Variants in RBSN observed in about 807,000 individuals in gnomAD.
RBSN encodes the protein rabenosyn, RAB effector, also known as rabenosyn-5.
A neutral mutation model predicts 60.5 loss-of-function variants in RBSN; 34 were observed. That is an observed-to-expected ratio of 0.56 (90% CI 0.43 to 0.75). The LOEUF is 0.75. RBSN is among the 30% of genes least tolerant of loss of function. The pLI, the probability that RBSN is intolerant of heterozygous loss-of-function variation, is 0.00. For synonymous variants in RBSN, 322 were observed against 366.9 expected, an observed-to-expected ratio of 0.88 and a Z score of 1.40; for missense variants, 845 against 986.8, an observed-to-expected ratio of 0.86 and a Z score of 1.92.
At chr3:15,095,508 G>A (rs2043632348) in intron 4 of RBSN, among the ~76,000 whole-genome samples, 1 of 152,132 alleles carries the variant, frequency 6.6e-6, no homozygotes, top group African/African-American at 2.4e-5. Context: ...CTTTTTCTGG[G>A]CTATAGAGGG....
At chr3:15,091,231 A>ATT in intron 4 of RBSN, 5 of 462,212 alleles carry the variant, frequency 1.1e-5, no homozygotes, top group African/African-American at 2.2e-5. Flanking sequence ...AAAAAAAAAA[A>ATT]AAAAAATTAA....
chr3:15,096,953 C>G (rs1173588523), intron 2 of RBSN, among the ~76,000 whole-genome samples: 4 of 152,138 alleles, frequency 2.6e-5, no homozygotes, highest in African/African-American at 9.7e-5. Flanking sequence ...TCGACCTTCT[C>G]GGTTCAAGTG....
In RBSN at chr3:15,082,474, CCTT is replaced by C; in HGVS notation, c.730_732del (p.Lys244del). The C allele has an allele frequency of 6.2e-7, 1 of 1,614,190 alleles. No homozygotes were observed. Among genetic ancestry groups the C allele is most frequent in the Non-Finnish European group, 8.5e-7 (1 of 1,180,030 alleles). ...GTACAGCAGCGGATCCGGTCATCGT[CCTT>C]CTCATCCAGGACCGAGCTGACACTG... On this transcript the variant is annotated inframe_deletion, in exon 9 of 14. Transcript: ENST00000253699. This position sits in a 1 kb window ranked among gnomAD's most constrained non-coding sequence, Gnocchi z 4.2.
At chr3:15,095,711 T>C in intron 4 of RBSN, 1 of 557,728 alleles carries the variant, frequency 1.8e-6, no homozygotes, top group Non-Finnish European at 3.1e-6. Flanking sequence ...TCAGATTGTT[T>C]CTCTGAGTGG....
rs2042911161 is a variant in RBSN, at chr3:15,070,785, T to C, written c.*2997A>G. 1 of 152,638 alleles carries C rather than the reference T, an allele frequency of 6.6e-6. No homozygotes were observed. The highest frequency in any genetic ancestry group is 2.1e-4 in the South Asian group (1 of 4,834). 9.5% of individuals were successfully genotyped at this position (152,638 alleles called of 1,614,324 possible). A position where few individuals can be genotyped will look rare whatever the true frequency, so the allele number is the denominator to read the frequency against. On this transcript the variant is annotated 3_prime_UTR_variant, in exon 14 of 14. Coordinates refer to ENST00000253699, the MANE Select transcript of RBSN (RefSeq NM_022340.4). The stretch of plus-strand genomic sequence containing the variant: ...CCATGGATAAACTTAATCAAAAGAA[T>C]ATGATTTTAGTTTGGTTTAGTATAT...
At chr3:15,075,884 T>G (rs1402510196) in intron 12 of RBSN, among the ~76,000 whole-genome samples, 174 bp from the exon 13 acceptor site, 3 of 152,116 alleles carry the variant, frequency 2.0e-5, no homozygotes, top group African/African-American at 7.2e-5. Context: ...CAACTCCAAA[T>G]GGGCCTGCAT....
rs1402730797 is a variant in RBSN, at chr3:15,070,714, G to T, written c.*3068C>A. ...CTCCTGTGATGTATTTACAGGAGAAGATAATCGTGGAAGAATTAAATGGAA... is the reference window on the plus strand; with the variant it reads ...CTCCTGTGATGTATTTACAGGAGAATATAATCGTGGAAGAATTAAATGGAA... On this transcript the variant is annotated 3_prime_UTR_variant, in exon 14 of 14. Transcript: ENST00000253699. 1 of 152,674 alleles carries T rather than the reference G, an allele frequency of 6.5e-6. No individual in the cohort carries two copies. Among genetic ancestry groups the T allele is most frequent in the African/African-American group, 2.4e-5 (1 of 41,450 alleles). The allele number at this position is 152,674 out of a possible 1,614,324, so 9.5% of individuals were successfully genotyped here.
intron 10 of RBSN, among the ~76,000 whole-genome samples, chr3:15,078,759 CAAAA>C (rs755729739): frequency 0.011 from 311 of 28,870 alleles, 11 homozygotes; most frequent in African/African-American, 0.04. Flanking sequence ...AACTCGGTCT[CAAAA>C]AAAAAAAAAA....
At chr3:15,091,762 G>A (rs2043522598) in intron 4 of RBSN, among the ~76,000 whole-genome samples, 1 of 152,202 alleles carries the variant, frequency 6.6e-6, no homozygotes, top group Admixed American at 6.5e-5. Context: ...CCTGAAATGA[G>A]AGCTCCAGCT....
At chr3:15,087,410 G>A (rs80159122) in intron 5 of RBSN, among the ~76,000 whole-genome samples, 8,035 of 152,188 alleles carry the variant, frequency 0.053, 253 homozygotes, top group East Asian at 0.13. Context: ...AGCTACTCAG[G>A]TGGCTGAGGC....
At chr3:15,093,485 G>A (rs144794335) in intron 4 of RBSN, among the ~76,000 whole-genome samples, 1 of 152,272 alleles carries the variant, frequency 6.6e-6, no homozygotes, top group Non-Finnish European at 1.5e-5. Flanking sequence ...TTGATCTCCT[G>A]AGCTGAAGCG....
intron 4 of RBSN, among the ~76,000 whole-genome samples, chr3:15,092,198 C>T (rs1029755757): frequency 1.3e-5 from 2 of 151,650 alleles, no homozygotes; most frequent in Non-Finnish European, 2.9e-5. Context: ...TTTTATAAAA[C>T]ATTTTTTTGT....
At position 15,078,085 on chromosome 3, in the gene RBSN, CTA is replaced by C; in HGVS notation, c.986_987del (p.Ile329ArgfsTer5). 1.2e-6 allele frequency: 2 copies of C among 1,613,984 alleles called. No individual in the cohort carries two copies. Among genetic ancestry groups the C allele is most frequent in the Non-Finnish European group, 1.7e-6 (2 of 1,179,880 alleles). ...RVEVQKVYEL[I>X]DALSKKILTL... ...CTTAATGGACCTTACCTTAAAGCGT[CTA>C]TCAGCTCATACACTTTCTGCACTTC... On this transcript the variant is annotated frameshift_variant, in exon 11 of 14. Coordinates refer to ENST00000253699, the MANE Select transcript of RBSN (RefSeq NM_022340.4). LOFTEE classifies it high-confidence loss of function.
At chr3:15,089,465 A>AAAAAC (rs1224206481) in intron 5 of RBSN, among the ~76,000 whole-genome samples, 1 of 111,912 alleles carries the variant, frequency 8.9e-6, no homozygotes, top group Non-Finnish European at 1.7e-5. Flanking sequence ...CCAAAAAAAA[A>AAAAAC]AAAAAAAAAA....
intron 4 of RBSN, chr3:15,095,525 A>C: frequency 9.5e-6 from 2 of 210,904 alleles, no homozygotes; most frequent in Non-Finnish European, 9.3e-6. Flanking sequence ...AGGGCAAGAT[A>C]CCAATTGGGG....
At chr3:15,097,321 C>T (rs979216899) in intron 2 of RBSN, among the ~76,000 whole-genome samples, 1 of 152,058 alleles carries the variant, frequency 6.6e-6, no homozygotes, top group Non-Finnish European at 1.5e-5. Context: ...TCGAGACCAG[C>T]CTGGCCAATA....
chr3:15,091,516 C>T, intron 4 of RBSN: 2 of 1,282,620 alleles, frequency 1.6e-6, no homozygotes, highest in Non-Finnish European at 1.0e-6. Flanking sequence ...ACAAACAGAA[C>T]CAGATTGGGT....
At position 15,085,064 on chromosome 3, in the gene RBSN, T is replaced by A; in HGVS notation, c.391-19A>T. 4 of 1,614,080 alleles carry A rather than the reference T, an allele frequency of 2.5e-6. No individual in the cohort carries two copies. In the Middle Eastern group the frequency reaches 6.6e-4, roughly 266 times the overall value. ...CAGTGAGCTGACCGGAAGAAAATAG[T>A]GCCAAATGAAATTAACCAGGTGATG... On this transcript the variant is annotated intron_variant, in intron 6 of 13. Transcript: ENST00000253699.
At chr3:15,092,427 C>CA (rs1460388599) in intron 4 of RBSN, among the ~76,000 whole-genome samples, 1 of 151,670 alleles carries the variant, frequency 6.6e-6, no homozygotes, top group African/African-American at 2.4e-5. Flanking sequence ...TTTTTTGAGA[C>CA]AGAGTTTCAC....
Sources: allele counts gnomAD v4.1 joint callset (sites outside exome capture counted in the v4.1 genomes callset), GRCh38; gene constraint gnomAD v4.1.1; non-coding constraint Gnocchi (gnomAD v3.1); transcripts MANE v1.5; gene names NCBI Gene and HGNC (gene_info 2026-07-23, HGNC 2026-07-21).